The following CCDC148 variants were observed in gnomAD, a reference collection of about 807,000 sequenced individuals.
The protein encoded by CCDC148 is coiled-coil domain-containing protein 148.
A neutral mutation model predicts 85.7 loss-of-function variants in CCDC148; 89 were observed. That is an observed-to-expected ratio of 1.04 (90% CI 0.87 to 1.24). The LOEUF (loss-of-function observed/expected upper bound fraction) is 1.24. Among genes scored for constraint, CCDC148 ranks in the 50% most tolerant of loss-of-function variants. CCDC148 has a pLI of 0.00. For missense variants in CCDC148, 692 were observed against 671.7 expected (o/e 1.03, Z -0.33); for synonymous variants, 230 against 213.9 (o/e 1.08, Z -0.66).
chr2:158,197,494 G>T (rs1000996111), intron 11 of CCDC148, among the ~76,000 whole-genome samples: 3 of 152,002 alleles, frequency 2.0e-5, no homozygotes, highest in Non-Finnish European at 4.4e-5. Flanking sequence ...GTATGGTTAA[G>T]GGATAAAGAT....
At chr2:158,214,921 T>C (rs1686767053) in intron 11 of CCDC148, among the ~76,000 whole-genome samples, 1 of 152,104 alleles carries the variant, frequency 6.6e-6, no homozygotes, top group African/African-American at 2.4e-5. Flanking sequence ...CTTAATAAAA[T>C]TTCAATACAA....
chr2:158,349,886 C>T (rs1683175313), intron 2 of CCDC148, among the ~76,000 whole-genome samples: 1 of 152,112 alleles, frequency 6.6e-6, no homozygotes, highest in Non-Finnish European at 1.5e-5. Flanking sequence ...GACAATTCCT[C>T]ATCATCATGA....
Position 158,360,187 on chromosome 2 carries a change from T to C in CCDC148, c.26-1617A>G, listed in dbSNP as rs554865596. Among the ~76,000 whole-genome samples, 13 of 152,322 alleles carry C rather than the reference T, an allele frequency of 8.5e-5. No homozygotes were observed. In the South Asian group the frequency reaches 2.1e-3, roughly 24 times the overall value. On this transcript the variant is annotated intron_variant, in intron 1 of 13. Transcript: ENST00000283233. ...GGCAGCAGCCTGAGTCAGGGACTTA[T>C]AGATAAAACTCCCATCACCCTGGGA...
chr2:158,287,145 A>C (rs113898849), intron 9 of CCDC148, among the ~76,000 whole-genome samples: 380 of 152,226 alleles, frequency 2.5e-3, no homozygotes, highest in African/African-American at 8.5e-3. Flanking sequence ...ATAGCACAGG[A>C]AAGACCTGCC....
chr2:158,193,521 C>T (rs1380749028), intron 11 of CCDC148, among the ~76,000 whole-genome samples: 1 of 151,726 alleles, frequency 6.6e-6, no homozygotes, highest in Admixed American at 6.6e-5. Context: ...CCTCTAGAAA[C>T]GTTTAGCGCA....
At position 158,171,658 on chromosome 2, in the gene CCDC148, AG is replaced by A. The variant is rs1249221087; in HGVS notation, c.*454del. 6.6e-6 allele frequency: 1 copy of A among 152,002 alleles called. No individual in the cohort carries two copies. The highest frequency in any genetic ancestry group is 1.5e-5 in the Non-Finnish European group (1 of 67,982). 9.4% of individuals were successfully genotyped at this position (152,002 alleles called of 1,614,324 possible). On this transcript the variant is annotated 3_prime_UTR_variant, in exon 14 of 14. Transcript: ENST00000283233. ...GGTTTCTAAATTTAGAGAAAGGTTG[AG>A]TCTCCTCTTATAATAATCAAGAAAT... is the stretch of plus-strand genomic sequence containing the variant.
chr2:158,401,774 A>T (rs1315272559), intron 1 of CCDC148, among the ~76,000 whole-genome samples: 4 of 152,070 alleles, frequency 2.6e-5, no homozygotes, highest in African/African-American at 4.8e-5. Context: ...CTCAAGTAAG[A>T]CAAGCCTTTC....
chr2:158,262,482 A>G (rs1689273260), intron 9 of CCDC148, among the ~76,000 whole-genome samples: 1 of 152,008 alleles, frequency 6.6e-6, no homozygotes, highest in Non-Finnish European at 1.5e-5. Context: ...CTATGTAACA[A>G]ACCTTCACAT....
intron 9 of CCDC148, among the ~76,000 whole-genome samples, chr2:158,258,677 C>A (rs1307122024): frequency 2.0e-5 from 3 of 151,852 alleles, no homozygotes; most frequent in Admixed American, 6.6e-5. Context: ...GTACTTCCCA[C>A]TGTCTCTTAA....
chr2:158,264,257 T>C (rs1488227488), intron 9 of CCDC148, among the ~76,000 whole-genome samples: 2 of 152,032 alleles, frequency 1.3e-5, no homozygotes, highest in Admixed American at 1.3e-4. Flanking sequence ...CTCATTCCTT[T>C]CTAGATATAG....
chr2:158,238,875 C>G (rs57864729), intron 10 of CCDC148, among the ~76,000 whole-genome samples: 11,445 of 152,194 alleles, frequency 0.075, 1,389 homozygotes, highest in African/African-American at 0.25. Context: ...ACAAAATTAA[C>G]AGCACACAGC....
chr2:158,392,121 G>T (rs1311865988), intron 1 of CCDC148, among the ~76,000 whole-genome samples: 2 of 151,954 alleles, frequency 1.3e-5, no homozygotes, highest in Non-Finnish European at 2.9e-5. Flanking sequence ...CTTTCATCTT[G>T]GTTTCTCACC....
chr2:158,176,387 G>T, intron 13 of CCDC148, 134 bp downstream of exon 13: 1 of 781,036 alleles, frequency 1.3e-6, no homozygotes, highest in Non-Finnish European at 1.9e-6. Context: ...CTATCATTTA[G>T]AAGTAAAAAT....
In CCDC148 at chr2:158,171,933, A is replaced by T. The variant is rs772687887; in HGVS notation, c.*180T>A. 28 of 490,790 alleles carry T rather than the reference A, an allele frequency of 5.7e-5. No individual in the cohort carries two copies. Among genetic ancestry groups the T allele is most frequent in the Non-Finnish European group, 9.9e-5 (28 of 283,692 alleles). 30.4% of individuals were successfully genotyped at this position (490,790 alleles called of 1,614,324 possible). ...TAGTACTATTAAATATAACTTAAAG[A>T]TACAGGAAATATAGTGCATAAAATT... On this transcript the variant is annotated 3_prime_UTR_variant, in exon 14 of 14. Transcript: ENST00000283233.
intron 11 of CCDC148, among the ~76,000 whole-genome samples, chr2:158,217,707 T>C (rs565658759): frequency 7.9e-5 from 12 of 152,044 alleles, no homozygotes; most frequent in African/African-American, 2.7e-4. Flanking sequence ...CCCGGTCGAA[T>C]ATTGTTTTTA....
In CCDC148 at chr2:158,358,529, T is replaced by G; in HGVS notation, c.67A>C (p.Lys23Gln). Reference protein sequence around the residue: ...FHMKNEMRNIKYKPVDYQQLR... With the variant: ...FHMKNEMRNIQYKPVDYQQLR... ...TGTTGATAGTCTACTGGTTTGTACT[T>G]GATGTTTCTCATCTCATTTTTCATA... The change falls in exon 2 of 14, where the codon AAG becomes CAG. Residue 23 changes from lysine (K) to glutamine (Q), a missense_variant. Physicochemically the swap from Lys to Gln is moderately conservative, Grantham distance 53 (BLOSUM62 1). Transcript: ENST00000283233. The G allele has an allele frequency of 6.3e-7, 1 of 1,599,798 alleles. No individual in the cohort carries two copies. The highest frequency in any genetic ancestry group is 1.1e-5 in the South Asian group (1 of 88,726).
At position 158,338,774 on chromosome 2, in the gene CCDC148, T is replaced by G; in HGVS notation, c.716A>C (p.Tyr239Ser). 6.2e-7 allele frequency: 1 copy of G among 1,610,654 alleles called. No individual in the cohort carries two copies. The highest frequency in any genetic ancestry group is 8.5e-7 in the Non-Finnish European group (1 of 1,179,202). Residue 239 changes from tyrosine to serine, a missense_variant, in exon 7 of 14, where the codon TAT becomes TCT. Tyr to Ser is a moderately radical substitution (Grantham distance 144). Coordinates refer to ENST00000283233, the MANE Select transcript of CCDC148 (RefSeq NM_138803.4). Reference protein sequence around the residue: ...LSEFYKFTQKYQKKLQDFNLQ... With the variant: ...LSEFYKFTQKSQKKLQDFNLQ... ...ATTAAAGTCTTGAAGCTTCTTCTGA[T>G]ATTTCTGTGTAAACTTATAGAACTC...
intron 9 of CCDC148, among the ~76,000 whole-genome samples, chr2:158,266,733 T>A (rs909880013): frequency 5.9e-5 from 9 of 152,116 alleles, no homozygotes; most frequent in African/African-American, 2.2e-4. Flanking sequence ...TGGTTTTCCA[T>A]TCCTGAGTTA....
At chr2:158,312,590 A>G (rs535508291) in intron 8 of CCDC148, among the ~76,000 whole-genome samples, 1 of 149,784 alleles carries the variant, frequency 6.7e-6, no homozygotes, top group African/African-American at 2.5e-5. Flanking sequence ...AAAAAAAAAA[A>G]AAAAAAACCA....
Sources: allele counts gnomAD v4.1 joint callset (sites outside exome capture counted in the v4.1 genomes callset), GRCh38; gene constraint gnomAD v4.1.1; transcripts MANE v1.5; gene names NCBI Gene and HGNC (gene_info 2026-07-23, HGNC 2026-07-21).